The following ATP8A2 variants were observed in gnomAD, a reference collection of about 807,000 sequenced individuals.
The protein encoded by ATP8A2 is ATPase phospholipid transporting 8A2, also known as phospholipid-transporting ATPase IB.
In ATP8A2, 100 loss-of-function variants were observed where a neutral mutation model predicts 165.6. The observed-to-expected ratio is 0.60, with a 90% confidence interval of 0.51 to 0.71. ATP8A2 has a LOEUF of 0.71. Ranked by LOEUF, ATP8A2 falls within the 30% of genes least tolerant of loss-of-function variation. The pLI is 0.00. For synonymous variants in ATP8A2, 543 were observed against 548.8 expected (o/e 0.99, Z 0.15); for missense variants, 1,227 against 1,479.5 (o/e 0.83, Z 2.80).
chr13:25,547,383 C>G (rs1313864053), intron 10 of ATP8A2, among the ~76,000 whole-genome samples: 3 of 151,974 alleles, frequency 2.0e-5, no homozygotes, highest in African/African-American at 7.2e-5. Context: ...TCCTGTCAAT[C>G]AGCGGTGGCA....
chr13:25,805,846 A>G (rs966348955), intron 27 of ATP8A2, among the ~76,000 whole-genome samples: 6 of 152,220 alleles, frequency 3.9e-5, no homozygotes, highest in Non-Finnish European at 7.3e-5. Flanking sequence ...CAAAGATGCT[A>G]AATGATTGCC....
intron 33 of ATP8A2, among the ~76,000 whole-genome samples, chr13:25,864,811 C>T (rs920443800): frequency 1.3e-5 from 2 of 152,164 alleles, no homozygotes; most frequent in Admixed American, 6.5e-5. Context: ...AGGTACTCTG[C>T]TGTCTGAGTC....
At chr13:25,674,271 C>CCCCA (rs1555245518) in intron 24 of ATP8A2, among the ~76,000 whole-genome samples, 7 of 152,070 alleles carry the variant, frequency 4.6e-5, no homozygotes, top group African/African-American at 1.7e-4. Flanking sequence ...TGTGTCCCCC[C>CCCCA]CCGAAAACTA....
At chr13:25,814,098 G>GACATACAC (rs1950947717) in intron 27 of ATP8A2, among the ~76,000 whole-genome samples, 1 of 149,418 alleles carries the variant, frequency 6.7e-6, no homozygotes, top group Non-Finnish European at 1.5e-5. Flanking sequence ...CACACATACA[G>GACATACAC]ACACACACAC....
intron 27 of ATP8A2, among the ~76,000 whole-genome samples, chr13:25,827,793 G>A (rs553740): frequency 0.98 from 149,018 of 152,348 alleles, 72,961 homozygotes; most frequent in East Asian, 1. Context: ...AAAAACAAGA[G>A]TGTGAAGCTG....
intron 25 of ATP8A2, among the ~76,000 whole-genome samples, chr13:25,717,686 A>C (rs1253842625): frequency 6.6e-6 from 1 of 152,356 alleles, no homozygotes; most frequent in East Asian, 1.9e-4. Flanking sequence ...AAATAGACCA[A>C]AACCACTTTC....
At chr13:25,667,535 T>G (rs1415060022) in intron 24 of ATP8A2, among the ~76,000 whole-genome samples, 1 of 152,164 alleles carries the variant, frequency 6.6e-6, no homozygotes, top group African/African-American at 2.4e-5. Context: ...TGACCTTCTT[T>G]CCCACTCTCC....
chr13:25,542,206 A>T (rs990543274), intron 9 of ATP8A2, among the ~76,000 whole-genome samples, 160 bp downstream of exon 9: 11 of 152,086 alleles, frequency 7.2e-5, no homozygotes, highest in Non-Finnish European at 1.5e-4. Flanking sequence ...TAAGAAAAAA[A>T]CCCTGAGCCC....
intron 33 of ATP8A2, among the ~76,000 whole-genome samples, chr13:25,958,771 C>A (rs1955591784): frequency 6.6e-6 from 1 of 152,174 alleles, no homozygotes; most frequent in African/African-American, 2.4e-5. Flanking sequence ...TGAAGACCAG[C>A]AACAGAACAA....
intron 31 of ATP8A2, 85 bp from the exon 32 acceptor site, chr13:25,860,719 G>A (rs1952323339): frequency 6.6e-6 from 7 of 1,066,134 alleles, no homozygotes; most frequent in Admixed American, 2.0e-5. Context: ...AGCTAGTTCT[G>A]GAGTGGAGAG....
intron 1 of ATP8A2, among the ~76,000 whole-genome samples, chr13:25,409,862 T>C (rs2033915786): frequency 6.6e-6 from 1 of 152,018 alleles, no homozygotes; most frequent in African/African-American, 2.4e-5. Context: ...CTATCAGAAA[T>C]GAGATGAAAT....
intron 1 of ATP8A2, among the ~76,000 whole-genome samples, chr13:25,429,371 TAAAA>T (rs751056483): frequency 1.6e-5 from 2 of 126,004 alleles, no homozygotes; most frequent in Admixed American, 7.7e-5. Flanking sequence ...GACTCCATCT[TAAAA>T]AAAAAAAAAA....
chr13:25,701,948 GCAT>G (rs2042960426), intron 25 of ATP8A2, among the ~76,000 whole-genome samples: 1 of 151,976 alleles, frequency 6.6e-6, no homozygotes, highest in South Asian at 2.1e-4. Context: ...TTAGGATAGT[GCAT>G]CATTTTCCTG....
intron 25 of ATP8A2, among the ~76,000 whole-genome samples, chr13:25,729,146 GA>G (rs2043559912): frequency 6.6e-6 from 1 of 151,524 alleles, no homozygotes; most frequent in Non-Finnish European, 1.5e-5. Context: ...TCAGTTTACT[GA>G]ATTGCCTTTA....
Position 26,025,248 on chromosome 13 carries a change from C to T in ATP8A2, c.*5263C>T, listed in dbSNP as rs1343747871. 1.3e-5 allele frequency: 2 copies of T among 152,122 alleles called. No individual in the cohort carries two copies. Among genetic ancestry groups the T allele is most frequent in the East Asian group, 3.9e-4 (2 of 5,178 alleles). The allele number at this position is 152,122 out of a possible 1,614,324, so 9.4% of individuals were successfully genotyped here. A position where few individuals can be genotyped will look rare whatever the true frequency, so the allele number is the denominator to read the frequency against. On this transcript the variant is annotated 3_prime_UTR_variant, in exon 37 of 37. Coordinates refer to ENST00000381655, the MANE Select transcript of ATP8A2 (RefSeq NM_016529.6). ...AAAATCAATGTCAGTACTGAAACTC[C>T]TACTCTCCCCTCCCGCCCCACTCTC...
At chr13:25,510,847 T>G (rs760201889) in intron 2 of ATP8A2, among the ~76,000 whole-genome samples, 1 of 152,228 alleles carries the variant, frequency 6.6e-6, no homozygotes. Context: ...CAGTTATATC[T>G]GGATACTACT....
intron 2 of ATP8A2, among the ~76,000 whole-genome samples, chr13:25,500,123 A>G (rs1435584311): frequency 6.6e-6 from 1 of 152,116 alleles, no homozygotes; most frequent in Admixed American, 6.5e-5. Flanking sequence ...GCCCTCCATA[A>G]ATGTATTGCC....
In ATP8A2 at chr13:25,589,652, G is replaced by A. The variant is rs2040016325; in HGVS notation, c.2164G>A (p.Val722Ile). 1 of 1,612,084 alleles carries A rather than the reference G, an allele frequency of 6.2e-7. No homozygotes were observed. The highest frequency in any genetic ancestry group is 8.5e-7 in the Non-Finnish European group (1 of 1,178,460). ...CACTTCAGGGTATTCCTGCCGATTG[G>A]TATCGCAGAATATGGCCCTTATCCT... ...AINIGYSCRLVSQNMALILLK... is the reference protein window; with the variant it reads ...AINIGYSCRLISQNMALILLK... The change falls in exon 24 of 37, where the codon GTA (valine) becomes ATA (isoleucine). Residue 722 changes from valine to isoleucine, a missense_variant. By Grantham distance (29) the Val-to-Ile change is conservative (BLOSUM62 3). Transcript: ENST00000381655.
At chr13:25,764,866 A>G (rs1196374138) in intron 25 of ATP8A2, among the ~76,000 whole-genome samples, 4 of 152,196 alleles carry the variant, frequency 2.6e-5, no homozygotes, top group African/African-American at 7.2e-5. Context: ...GTACAAATCT[A>G]CAATCGAGAT....
Sources: gnomAD v4.1 joint callset for allele counts (sites outside exome capture counted in the v4.1 genomes callset) on GRCh38, gnomAD v4.1.1 for gene constraint, MANE v1.5 for transcripts, NCBI Gene and HGNC (gene_info 2026-07-23, HGNC 2026-07-21) for gene names.